DCAF8L2: variants seen among roughly 807,000 people sequenced by gnomAD.
DCAF8L2 encodes the protein DDB1- and CUL4-associated factor 8-like protein 2.
For synonymous variants in DCAF8L2, 200 were observed against 190.9 expected (o/e 1.05, Z -0.39); for missense variants, 430 against 490.7 (o/e 0.88, Z 1.17).
intron 1 of DCAF8L2, chrX:27,627,537 T>TGTGTGTGTG (rs1569164726): frequency 7.7e-5 from 7 of 90,912 alleles, no homozygotes; most frequent in Admixed American, 1.3e-4. Context: ...GTTGTTTTTG[T>TGTGTGTGTG]TGTGTGTGTG....
chrX:27,612,034 G>A (rs763488778), intron 1 of DCAF8L2, among the ~76,000 whole-genome samples: 55 of 111,473 alleles, frequency 4.9e-4, no homozygotes, highest in South Asian at 1.5e-3. Flanking sequence ...TTCCACAATG[G>A]TTGAACTAGT....
At chrX:27,491,494 C>G in the DCAF8L2 span, among the ~76,000 whole-genome samples, 4 of 112,094 alleles carry the variant, frequency 3.6e-5, no homozygotes, top group Non-Finnish European at 7.5e-5. Flanking sequence ...CTTGTAGTAT[C>G]TTTTGAAATC....
At chrX:27,546,073 A>T in the DCAF8L2 span, among the ~76,000 whole-genome samples, 1 of 112,070 alleles carries the variant, frequency 8.9e-6, no homozygotes, top group Non-Finnish European at 1.9e-5. Context: ...GAGCCTATAA[A>T]ATCAAAAGGA....
At chrX:27,576,365 T>C in the DCAF8L2 span, among the ~76,000 whole-genome samples, 1 of 111,938 alleles carries the variant, frequency 8.9e-6, no homozygotes, top group African/African-American at 3.2e-5. Context: ...TTTGGACCTA[T>C]CTTCATTTAC....
chrX:27,661,782 C>T (rs778365641), intron 2 of DCAF8L2, among the ~76,000 whole-genome samples: 8 of 111,628 alleles, frequency 7.2e-5, no homozygotes, highest in African/African-American at 2.3e-4. Flanking sequence ...AACAGTAATA[C>T]GCCTTTCTCA....
At chrX:27,746,730 A>C in intron 4 of DCAF8L2, 108 bp from the exon 5 acceptor site, 2 of 462,896 alleles carry the variant, frequency 4.3e-6, no homozygotes, top group South Asian at 4.6e-5. Flanking sequence ...CTGCCTTGGC[A>C]GAATAGTTTA....
At chrX:27,517,990 A>G in the DCAF8L2 span, 4 of 1,155,855 alleles carry the variant, frequency 3.5e-6, no homozygotes, top group East Asian at 8.9e-5. Flanking sequence ...AGGTTATCCT[A>G]CATGGCTTAA....
At chrX:27,520,107 A>G in the DCAF8L2 span, among the ~76,000 whole-genome samples, 1 of 112,097 alleles carries the variant, frequency 8.9e-6, no homozygotes, top group South Asian at 3.6e-4. Context: ...TGTTTAATGT[A>G]AAACTTCAAT....
intron 1 of DCAF8L2, among the ~76,000 whole-genome samples, chrX:27,591,016 A>ATATATATATAT (rs1569153314): frequency 1.2e-3 from 54 of 44,732 alleles, no homozygotes; most frequent in Middle Eastern, 8.9e-3. Flanking sequence ...TATATATATA[A>ATATATATATAT]ATAAATAATT....
chrX:27,739,669 T>C (rs1921740908), intron 4 of DCAF8L2, among the ~76,000 whole-genome samples: 2 of 112,033 alleles, frequency 1.8e-5, no homozygotes, highest in African/African-American at 3.2e-5. Flanking sequence ...TGCTTCTGTT[T>C]TCTCAATGTT....
At chrX:27,627,309 C>T (rs963545594) in intron 1 of DCAF8L2, 1 of 111,123 alleles carries the variant, frequency 9.0e-6, no homozygotes, top group African/African-American at 3.3e-5. Context: ...ATAGAATTTT[C>T]TGGCATGGTG....
chrX:27,620,300 A>G (rs1927694533), intron 1 of DCAF8L2, among the ~76,000 whole-genome samples: 1 of 111,772 alleles, frequency 8.9e-6, no homozygotes, highest in South Asian at 3.7e-4. Context: ...CCACTTTCAA[A>G]AATATAGCCA....
At chrX:27,703,049 A>G (rs949333910) in intron 3 of DCAF8L2, among the ~76,000 whole-genome samples, 1 of 111,682 alleles carries the variant, frequency 9.0e-6, no homozygotes, top group Admixed American at 9.6e-5. Context: ...TTATATAATA[A>G]CAATGAACAA....
chrX:27,560,990 T>A, the DCAF8L2 span, among the ~76,000 whole-genome samples: 1 of 112,306 alleles, frequency 8.9e-6, no homozygotes, highest in African/African-American at 3.2e-5. Context: ...TGAGTTCTTT[T>A]CAAAGCTGGC....
At chrX:27,580,211 A>G in the DCAF8L2 span, among the ~76,000 whole-genome samples, 1 of 110,820 alleles carries the variant, frequency 9.0e-6, no homozygotes, top group Non-Finnish European at 1.9e-5. Context: ...TTTTCCTTAC[A>G]AGGCCCTTGT....
At chrX:27,481,149 G>A in the DCAF8L2 span, among the ~76,000 whole-genome samples, 1 of 110,745 alleles carries the variant, frequency 9.0e-6, no homozygotes, top group South Asian at 3.8e-4. Flanking sequence ...AGGCCAAGGC[G>A]GGCGGATCAC....
intron 4 of DCAF8L2, among the ~76,000 whole-genome samples, chrX:27,740,666 T>C (rs772875489): frequency 2.7e-4 from 30 of 111,599 alleles, no homozygotes; most frequent in Non-Finnish European, 4.1e-4. Flanking sequence ...CTTCAGATAA[T>C]TTGCACTCAA....
chrX:27,483,242 A>G, the DCAF8L2 span, among the ~76,000 whole-genome samples: 26 of 111,660 alleles, frequency 2.3e-4, no homozygotes, highest in South Asian at 9.6e-3. Context: ...CTGCCCAACC[A>G]TCTCTATGCA....
chrX:27,600,274 C>T (rs1926582126), intron 1 of DCAF8L2, among the ~76,000 whole-genome samples: 1 of 111,759 alleles, frequency 8.9e-6, no homozygotes, highest in Non-Finnish European at 1.9e-5. Context: ...TGAATGAAGG[C>T]TGAAGAATGT....
Sources: gnomAD v4.1 joint callset for allele counts (sites outside exome capture counted in the v4.1 genomes callset) on GRCh38, gnomAD v4.1.1 for gene constraint, MANE v1.5 for transcripts, NCBI Gene and HGNC (gene_info 2026-07-23, HGNC 2026-07-21) for gene names.